Variants in PSCA observed in about 807,000 individuals in gnomAD.
PSCA encodes prostate stem cell antigen.
PSCA carries 7 observed loss-of-function variants against 7.9 expected under a neutral mutation model. The ratio of observed to expected loss-of-function variants is 0.89; its 90% CI spans 0.51 to 1.67. The LOEUF is 1.67. Ranked by LOEUF, PSCA falls within the 40% of genes most tolerant of loss-of-function variation. PSCA has a pLI of 0.00. For missense variants in PSCA, 151 were observed against 147.9 expected (o/e 1.02, Z -0.11); for synonymous variants, 61 against 68.3 (o/e 0.89, Z 0.53).
Position 142,673,071 on chromosome 8 carries a change from G to A in PSCA, n.261+2503G>A, listed in dbSNP as rs1456331961. 1.3e-5 allele frequency among the ~76,000 whole-genome samples: 2 copies of A among 152,164 alleles called. No individual in the cohort carries two copies. Among genetic ancestry groups the A allele is most frequent in the African/African-American group, 2.4e-5 (1 of 41,436 alleles). On this transcript the variant is annotated intron_variant and non_coding_transcript_variant, in intron 1 of 1. Coordinates refer to the PSCA transcript ENST00000505305. The surrounding 1 kb of genome is among the most constrained non-coding windows in gnomAD (Gnocchi z 4.6). ...CATTGGCACAACTGCTGGCATTCACGCGTGCAAGCTTCCAGCTTGCTTGTC... is the reference window on the plus strand; with the variant it reads ...CATTGGCACAACTGCTGGCATTCACACGTGCAAGCTTCCAGCTTGCTTGTC...
intron 1 of PSCA, among the ~76,000 whole-genome samples, chr8:142,671,281 G>A (rs1254043946): frequency 3.3e-5 from 5 of 152,286 alleles, no homozygotes; most frequent in Middle Eastern, 3.4e-3. Flanking sequence ...GGGTTGGAGT[G>A]ATGTGCTTTG....
rs1383499542 is a variant in PSCA at position 142,673,774 on chromosome 8, T to A, written n.261+3206T>A. On this transcript the variant is annotated intron_variant and non_coding_transcript_variant, in intron 1 of 1. Coordinates refer to the PSCA transcript ENST00000505305. The surrounding 1 kb of genome is among the most constrained non-coding windows in gnomAD (Gnocchi z 4.6). The stretch of plus-strand genomic sequence containing the variant: ...GGGTTGGTGGGCCTCGCTAGAGCCA[T>A]CCATCAGTCATTAGACGTGCAAAAA... Among the ~76,000 whole-genome samples, 2 of 152,178 alleles carry A rather than the reference T, an allele frequency of 1.3e-5. No homozygotes were observed. The highest frequency in any genetic ancestry group is 2.9e-5 in the Non-Finnish European group (2 of 68,022).
intron 1 of PSCA, 91 bp downstream of exon 1, chr8:142,680,654 G>C: frequency 6.7e-7 from 1 of 1,482,138 alleles, no homozygotes; most frequent in Admixed American, 2.0e-5. Context: ...GAGAGGAGGG[G>C]AAGGAAGGAG....
intron 1 of PSCA, among the ~76,000 whole-genome samples, chr8:142,674,007 C>T (rs956904000): frequency 6.8e-6 from 1 of 147,140 alleles, no homozygotes; most frequent in Non-Finnish European, 1.5e-5. Context: ...GAGCGCAGAT[C>T]ACCCATCTTC....
At chr8:142,679,441 T>C (rs142396822), upstream of PSCA, among the ~76,000 whole-genome samples, 202 of 152,304 alleles carry the variant, frequency 1.3e-3, no homozygotes, top group African/African-American at 4.7e-3. Flanking sequence ...CTGTAAAATA[T>C]TTGAAGACAT....
chr8:142,676,396 G>T (rs1554637829), upstream of PSCA: 1 of 152,346 alleles, frequency 6.6e-6, no homozygotes, highest in Non-Finnish European at 1.5e-5. Flanking sequence ...GCTGGATGGG[G>T]GTTCCCAAGG....
chr8:142,676,870 A>C (rs1554637858), upstream of PSCA, among the ~76,000 whole-genome samples: 1 of 152,242 alleles, frequency 6.6e-6, no homozygotes. Flanking sequence ...GAGGATCTGC[A>C]GGAAGCCATG....
rs587611261 is a variant in PSCA at position 142,673,378 on chromosome 8, C to G, written n.261+2810C>G. Among the ~76,000 whole-genome samples, 1 of 152,164 alleles carries G rather than the reference C, an allele frequency of 6.6e-6. No homozygotes were observed. Among genetic ancestry groups the G allele is most frequent in the African/African-American group, 2.4e-5 (1 of 41,426 alleles). ...TCCTCCAGGTGCTCCTACCATTACT[C>G]ACGGAACCTTGGGCCTCTTCTCGAG... On this transcript the variant is annotated intron_variant and non_coding_transcript_variant, in intron 1 of 1. Transcript: ENST00000505305. This position sits in a 1 kb window ranked among gnomAD's most constrained non-coding sequence, Gnocchi z 4.6.
At position 142,681,423 on chromosome 8, in the gene PSCA, C is replaced by A; in HGVS notation, c.122C>A (p.Thr41Asn). The change falls in exon 2 of 3, where the codon ACC becomes AAC. Residue 41 changes from threonine (T) to asparagine (N), a missense_variant. Thr to Asn is a moderately conservative substitution (Grantham distance 65). Coordinates refer to ENST00000301258, the MANE Select transcript of PSCA (RefSeq NM_005672.5). ...NCTQLGEQCWTARIRAVGLLT... is the reference protein window; with the variant it reads ...NCTQLGEQCWNARIRAVGLLT... ...ACCCAGCTGGGGGAGCAGTGCTGGA[C>A]CGCGCGCATCCGTGAGTGGGGGGAC... The A allele has an allele frequency of 6.3e-7, 1 of 1,588,184 alleles. No homozygotes were observed. Among genetic ancestry groups the A allele is most frequent in the Non-Finnish European group, 8.6e-7 (1 of 1,167,704 alleles).
At chr8:142,680,755 C>G in intron 1 of PSCA, 192 bp downstream of exon 1, 1 of 707,322 alleles carries the variant, frequency 1.4e-6, no homozygotes, top group Non-Finnish European at 2.3e-6. Context: ...TGTTCCCTGC[C>G]GTCCCCTGTG....
upstream of PSCA, chr8:142,675,894 G>A (rs587633406): frequency 1.3e-5 from 2 of 152,236 alleles, no homozygotes; most frequent in African/African-American, 2.4e-5. Flanking sequence ...TGACACCAGC[G>A]TGGCTTTGCA....
At chr8:142,681,624 C>T (rs1420526828) in intron 2 of PSCA, 190 bp downstream of exon 2, 15 of 639,740 alleles carry the variant, frequency 2.3e-5, no homozygotes, top group African/African-American at 1.4e-4. Context: ...CTCCTCCACT[C>T]ATCTGTCCCT....
rs1814674260 is a variant in PSCA at position 142,682,580 on chromosome 8, A to G, written c.*448A>G. On this transcript the variant is annotated 3_prime_UTR_variant, in exon 3 of 3. Coordinates refer to ENST00000301258, the MANE Select transcript of PSCA (RefSeq NM_005672.5). ...GAAGTGGACTGAGTAGAACTGGAGG[A>G]CAGGAGTCGACGTGAGTTCCTGGGA... The G allele has an allele frequency of 2.6e-6, 1 of 382,412 alleles. No homozygotes were observed. Among genetic ancestry groups the G allele is most frequent in the South Asian group, 1.9e-5 (1 of 52,108 alleles). The allele number at this position is 382,412 out of a possible 1,614,324, so 23.7% of individuals were successfully genotyped here. A position where few individuals can be genotyped will look rare whatever the true frequency, so the allele number is the denominator to read the frequency against.
In PSCA at chr8:142,681,325, A is replaced by C; in HGVS notation, c.26-2A>C. 6.4e-7 allele frequency: 1 copy of C among 1,554,554 alleles called. No homozygotes were observed. The highest frequency in any genetic ancestry group is 8.7e-7 in the Non-Finnish European group (1 of 1,148,444). On this transcript the variant is annotated splice_acceptor_variant, in intron 1 of 2. Transcript: ENST00000301258. LOFTEE classifies it high-confidence loss of function. The stretch of plus-strand genomic sequence containing the variant: ...TGAGGCCCCTCCCACTCCACCCCAC[A>C]GGCACTGCCCTGCTGTGCTACTCCT...
chr8:142,678,727 G>A (rs1170142203), upstream of PSCA, among the ~76,000 whole-genome samples: 1 of 63,862 alleles, frequency 1.6e-5, no homozygotes, highest in African/African-American at 3.8e-5. Flanking sequence ...TGGCAGCAGA[G>A]CTTGGGCCTG....
At chr8:142,680,697 T>C (rs1280548711) in intron 1 of PSCA, 134 bp downstream of exon 1, 2 of 1,207,930 alleles carry the variant, frequency 1.7e-6, no homozygotes, top group Non-Finnish European at 2.3e-6. Flanking sequence ...GCTCTTGCCC[T>C]AGCCTCCGCT....
chr8:142,679,220 G>T (rs587761398), upstream of PSCA, among the ~76,000 whole-genome samples: 1 of 152,382 alleles, frequency 6.6e-6, no homozygotes, highest in African/African-American at 2.4e-5. Flanking sequence ...GGGCCTAGCC[G>T]CTGCCTCCTG....
At chr8:142,681,741 C>T (rs1481159769) in intron 2 of PSCA, 180 bp from the exon 3 acceptor site, 18 of 616,732 alleles carry the variant, frequency 2.9e-5, no homozygotes, top group Non-Finnish European at 4.6e-5. Context: ...CCATCTGCCT[C>T]GGACATCTGG....
At chr8:142,679,713 G>T (rs1286923933), upstream of PSCA, among the ~76,000 whole-genome samples, 2 of 152,204 alleles carry the variant, frequency 1.3e-5, no homozygotes, top group Admixed American at 1.3e-4. Context: ...AGAAAGGAAT[G>T]TCTGGGTTAT....
Sources: gnomAD v4.1 joint callset for allele counts (sites outside exome capture counted in the v4.1 genomes callset) on GRCh38, gnomAD v4.1.1 for gene constraint, Gnocchi (gnomAD v3.1) non-coding constraint, MANE v1.5 for transcripts, NCBI Gene and HGNC (gene_info 2026-07-23, HGNC 2026-07-21) for gene names.